ACSF2: variants seen among roughly 807,000 people sequenced by gnomAD.
ACSF2 encodes the protein medium-chain acyl-CoA ligase ACSF2, mitochondrial.
Under a neutral mutation model 79.3 loss-of-function variants are expected in ACSF2, and 52 were observed. The ratio of observed to expected loss-of-function variants is 0.66; its 90% confidence interval spans 0.53 to 0.83. The LOEUF is 0.83. ACSF2 is among the 40% of genes least tolerant of loss of function. The pLI is 0.00. For synonymous variants in ACSF2, 283 were observed against 312.6 expected, an observed-to-expected ratio of 0.91 and a Z score of 1.00; for missense variants, 661 against 803.3, an observed-to-expected ratio of 0.82 and a Z score of 2.14.
chr17:50,467,101 G>A (rs540718848), intron 10 of ACSF2, among the ~76,000 whole-genome samples: 4 of 152,334 alleles, frequency 2.6e-5, no homozygotes, highest in African/African-American at 9.6e-5. Flanking sequence ...CCTGGCTGAA[G>A]CCCCTGTACC....
chr17:50,427,127 C>A, intron 1 of ACSF2: 1 of 801,636 alleles, frequency 1.2e-6, no homozygotes, highest in Non-Finnish European at 2.0e-6. Flanking sequence ...GAGCCCTGTG[C>A]ACTACTGAGC....
intron 1 of ACSF2, among the ~76,000 whole-genome samples, chr17:50,453,505 G>C (rs769213839): frequency 1.5e-4 from 23 of 152,086 alleles, no homozygotes; most frequent in Non-Finnish European, 2.4e-4. Context: ...ACCGCGCTCG[G>C]CCTCACCTGC....
chr17:50,436,274 C>T (rs879816936), intron 1 of ACSF2, among the ~76,000 whole-genome samples: 4 of 151,856 alleles, frequency 2.6e-5, no homozygotes, highest in Non-Finnish European at 4.4e-5. Flanking sequence ...GGACTACAGG[C>T]GCCTGCCACC....
intron 1 of ACSF2, among the ~76,000 whole-genome samples, chr17:50,435,404 T>C (rs1310221424): frequency 1.3e-5 from 2 of 152,082 alleles, no homozygotes; most frequent in East Asian, 3.8e-4. Flanking sequence ...CAAAATTTTT[T>C]AATCCTTTTT....
At chr17:50,434,425 G>A (rs1251298233) in intron 1 of ACSF2, among the ~76,000 whole-genome samples, 1 of 151,848 alleles carries the variant, frequency 6.6e-6, no homozygotes, top group African/African-American at 2.4e-5. Flanking sequence ...GGTGGCTCAT[G>A]CCTGCAATCC....
At chr17:50,468,852 G>C in intron 10 of ACSF2, 2 of 1,450,584 alleles carry the variant, frequency 1.4e-6, no homozygotes, top group South Asian at 2.9e-5. Flanking sequence ...GGCAGCAGCG[G>C]CGGCGGGGCG....
rs1414168407 is a variant in ACSF2 at position 50,463,091 on chromosome 17, G to A, written c.793-65G>A. On this transcript the variant is annotated intron_variant, in intron 6 of 15. Transcript: ENST00000300441. This position sits in a 1 kb window ranked among gnomAD's most constrained non-coding sequence, Gnocchi z 4.6. ...TGATTCCCGGTCCCGTGCTCTTCAAGGCAGTGGCCCAGGGTGGGAAGGAGA... is the reference window on the plus strand; with the variant it reads ...TGATTCCCGGTCCCGTGCTCTTCAAAGCAGTGGCCCAGGGTGGGAAGGAGA... 1 of 1,367,944 alleles carries A rather than the reference G, an allele frequency of 7.3e-7. No individual in the cohort carries two copies. Among genetic ancestry groups the A allele is most frequent in the African/African-American group, 1.4e-5 (1 of 69,666 alleles). The allele number at this position is 1,367,944 out of a possible 1,614,324, so 84.7% of individuals were successfully genotyped here.
intron 1 of ACSF2, among the ~76,000 whole-genome samples, chr17:50,452,505 A>G (rs958775624): frequency 5.4e-5 from 7 of 129,006 alleles, no homozygotes; most frequent in Admixed American, 4.9e-4. Context: ...TAGAAAAAGA[A>G]GTGTCGGGTC....
intron 1 of ACSF2, among the ~76,000 whole-genome samples, chr17:50,431,181 T>C (rs909472583): frequency 2.0e-5 from 3 of 152,272 alleles, no homozygotes; most frequent in Admixed American, 2.0e-4. Context: ...TGAACTTGGC[T>C]GCTGGAATCA....
At chr17:50,465,255 C>CA in intron 10 of ACSF2, 1 of 1,612,446 alleles carries the variant, frequency 6.2e-7, no homozygotes, top group Non-Finnish European at 8.5e-7. Flanking sequence ...CTGGAATCAC[C>CA]AAAGAGGGAC....
intron 1 of ACSF2, among the ~76,000 whole-genome samples, chr17:50,453,977 A>C (rs115001565): frequency 0.017 from 2,597 of 152,142 alleles, 90 homozygotes; most frequent in African/African-American, 0.059. Flanking sequence ...CAGCCTGGGC[A>C]ACATGGCAAA....
chr17:50,426,665 G>A (rs1239554475), intron 1 of ACSF2, among the ~76,000 whole-genome samples: 1 of 152,222 alleles, frequency 6.6e-6, no homozygotes, highest in Non-Finnish European at 1.5e-5. Flanking sequence ...CAGAGGGCAA[G>A]GAGTGTGGGC....
At position 50,426,376 on chromosome 17, in the gene ACSF2, G is replaced by A; in HGVS notation, c.115G>A (p.Val39Ile). Reference protein sequence around the residue: ...RSWQEARLQGVRFLSSREVDR... With the variant: ...RSWQEARLQGIRFLSSREVDR... ...TTGGCAGGAAGCCAGGTTGCAGGGT[G>A]TCCGCTTCCTCAGGTACTGGCCCCC... Residue 39 changes from valine (V) to isoleucine (I), a missense_variant, in exon 1 of 16, where the codon GTC becomes ATC. Val to Ile is a conservative substitution (Grantham distance 29, BLOSUM62 3). Coordinates refer to ENST00000300441, the MANE Select transcript of ACSF2 (RefSeq NM_025149.6). 1 of 1,384,970 alleles carries A rather than the reference G, an allele frequency of 7.2e-7. No individual in the cohort carries two copies. Among genetic ancestry groups the A allele is most frequent in the Non-Finnish European group, 9.4e-7 (1 of 1,061,884 alleles). The allele number at this position is 1,384,970 out of a possible 1,614,324, so 85.8% of individuals were successfully genotyped here.
intron 1 of ACSF2, among the ~76,000 whole-genome samples, chr17:50,444,056 A>C (rs187059392): frequency 1.2e-3 from 188 of 152,332 alleles, no homozygotes; most frequent in African/African-American, 4.1e-3. Context: ...AATTAAATAT[A>C]GACTCCTCTA....
intron 2 of ACSF2, 143 bp from the exon 3 acceptor site, chr17:50,461,099 A>G: frequency 7.4e-7 from 1 of 1,355,636 alleles, no homozygotes; most frequent in Non-Finnish European, 1.0e-6. Flanking sequence ...GCCCCAGGGC[A>G]GACCCACTGA....
chr17:50,444,176 T>C (rs978151118), intron 1 of ACSF2, among the ~76,000 whole-genome samples: 3 of 152,184 alleles, frequency 2.0e-5, no homozygotes, highest in African/African-American at 7.2e-5. Context: ...ATTTTATATC[T>C]ATATATAATT....
chr17:50,458,338 A>G (rs536983870), intron 1 of ACSF2, among the ~76,000 whole-genome samples: 1 of 152,160 alleles, frequency 6.6e-6, no homozygotes, highest in Non-Finnish European at 1.5e-5. Flanking sequence ...TTCAAGTTCC[A>G]GTCACCCTCC....
chr17:50,465,793 G>A (rs2231507), intron 10 of ACSF2: 63,381 of 1,613,786 alleles, frequency 0.039, 1,634 homozygotes, highest in South Asian at 0.087. Flanking sequence ...GGAAGTTGGA[G>A]GGTAGCTGGT....
At chr17:50,456,433 G>C (rs1020539118) in intron 1 of ACSF2, among the ~76,000 whole-genome samples, 2 of 152,098 alleles carry the variant, frequency 1.3e-5, no homozygotes, top group Non-Finnish European at 2.9e-5. Flanking sequence ...TGCACCCTCT[G>C]ATAAAAAGGT....
Sources: gnomAD v4.1 joint callset for allele counts (sites outside exome capture counted in the v4.1 genomes callset) on GRCh38, gnomAD v4.1.1 for gene constraint, Gnocchi (gnomAD v3.1) non-coding constraint, MANE v1.5 for transcripts, NCBI Gene and HGNC (gene_info 2026-07-23, HGNC 2026-07-21) for gene names.